Variants in NRG3 observed in about 807,000 individuals in gnomAD.
The protein encoded by NRG3 is pro-neuregulin-3, membrane-bound isoform.
In NRG3, 31 loss-of-function variants were observed where a neutral mutation model predicts 66.9. That is an observed-to-expected ratio of 0.46 (90% CI 0.35 to 0.63). The LOEUF is 0.63. Ranked by LOEUF, NRG3 falls within the 20% of genes least tolerant of loss-of-function variation. The pLI is 0.00. For missense variants in NRG3, 910 were observed against 878.9 expected (o/e 1.04, Z -0.45); for synonymous variants, 393 against 359.4 (o/e 1.09, Z -1.06).
At chr10:82,453,622 A>G (rs1294995149) in intron 2 of NRG3, among the ~76,000 whole-genome samples, 3 of 152,076 alleles carry the variant, frequency 2.0e-5, no homozygotes, top group Admixed American at 6.5e-5. Flanking sequence ...CCTGGTGTCT[A>G]TACTATGAGA....
At chr10:82,245,338 G>A (rs1052538762) in intron 1 of NRG3, among the ~76,000 whole-genome samples, 1 of 152,172 alleles carries the variant, frequency 6.6e-6, no homozygotes, top group African/African-American at 2.4e-5. Flanking sequence ...CAAGCAATGG[G>A]CAGTGGCTGT....
At chr10:82,555,256 T>C (rs1461753636) in intron 2 of NRG3, among the ~76,000 whole-genome samples, 1 of 152,154 alleles carries the variant, frequency 6.6e-6, no homozygotes, top group Non-Finnish European at 1.5e-5. Flanking sequence ...ACTCATTCTA[T>C]TTTAGTTCCA....
At chr10:82,250,921 AAGCTGCATTTG>A (rs1438746370) in intron 1 of NRG3, among the ~76,000 whole-genome samples, 1 of 152,246 alleles carries the variant, frequency 6.6e-6, no homozygotes, top group African/African-American at 2.4e-5. Flanking sequence ...GACAGATGCC[AAGCTGCATTTG>A]ATCGGCAGTC....
intron 1 of NRG3, among the ~76,000 whole-genome samples, chr10:81,913,978 G>A (rs1166930056): frequency 2.6e-5 from 4 of 152,142 alleles, no homozygotes; most frequent in African/African-American, 9.7e-5. Flanking sequence ...CAGAGCTCTT[G>A]TGGCACTTGT....
At chr10:82,243,598 G>A (rs2077100899) in intron 1 of NRG3, among the ~76,000 whole-genome samples, 3 of 152,124 alleles carry the variant, frequency 2.0e-5, no homozygotes, top group South Asian at 2.1e-4. Flanking sequence ...CTAGAAATTA[G>A]AAGAAATTGC....
At chr10:82,332,127 A>T (rs1174641506) in intron 1 of NRG3, among the ~76,000 whole-genome samples, 1 of 152,230 alleles carries the variant, frequency 6.6e-6, no homozygotes, top group East Asian at 1.9e-4. Context: ...CCAGAGAAGG[A>T]TCATTGATTT....
At chr10:82,000,203 A>G (rs1026638212) in intron 1 of NRG3, among the ~76,000 whole-genome samples, 6 of 152,238 alleles carry the variant, frequency 3.9e-5, no homozygotes, top group Non-Finnish European at 7.3e-5. Context: ...CCAATTATCA[A>G]TAAAATTTAA....
intron 2 of NRG3, among the ~76,000 whole-genome samples, chr10:82,704,609 C>A (rs2056149155): frequency 6.6e-6 from 1 of 152,146 alleles, no homozygotes; most frequent in African/African-American, 2.4e-5. Flanking sequence ...TGTTTTATGT[C>A]ATGACACTCC....
intron 4 of NRG3, among the ~76,000 whole-genome samples, chr10:82,906,660 C>T (rs1284730966): frequency 6.6e-6 from 1 of 152,150 alleles, no homozygotes; most frequent in African/African-American, 2.4e-5. Context: ...GGTTTTGTCA[C>T]TTAGGTAACA....
chr10:82,057,633 G>C (rs905319798), intron 1 of NRG3, among the ~76,000 whole-genome samples: 8 of 152,084 alleles, frequency 5.3e-5, no homozygotes, highest in Admixed American at 5.2e-4. Flanking sequence ...GTTTGGGTGG[G>C]GAGTGGACAA....
intron 2 of NRG3, among the ~76,000 whole-genome samples, chr10:82,374,187 GGCAAAA>G (rs2085065649): frequency 6.6e-6 from 1 of 152,240 alleles, no homozygotes; most frequent in East Asian, 1.9e-4. Context: ...CTAAGCCCAA[GGCAAAA>G]GCTTACACCC....
intron 3 of NRG3, among the ~76,000 whole-genome samples, chr10:82,783,031 C>G (rs1472582213): frequency 6.6e-6 from 1 of 152,156 alleles, no homozygotes; most frequent in Admixed American, 6.6e-5. Flanking sequence ...GGCTTCATCC[C>G]TGGGATGCAA....
rs1197236971 is a variant in NRG3 at position 82,980,776 on chromosome 10, A to G, written c.1583+1656A>G. ...AGGGTGACAGTTGCAAAGTAAACATAACAGCCAAGGGGTTCAAAATGTATA... is the reference window on the plus strand; with the variant it reads ...AGGGTGACAGTTGCAAAGTAAACATGACAGCCAAGGGGTTCAAAATGTATA... On this transcript the variant is annotated intron_variant, in intron 8 of 8. Transcript: ENST00000372141. Among the ~76,000 whole-genome samples the G allele has an allele frequency of 2.0e-5, 3 of 152,204 alleles. No homozygotes were observed. In the East Asian group the frequency reaches 5.8e-4, roughly 29 times the overall value.
chr10:82,971,507 G>A (rs1224132317), intron 6 of NRG3, among the ~76,000 whole-genome samples: 1 of 150,058 alleles, frequency 6.7e-6, no homozygotes, highest in Non-Finnish European at 1.5e-5. Context: ...CACCATCTCG[G>A]CTCACTGCAA....
At chr10:82,148,326 C>T (rs72825470) in intron 1 of NRG3, among the ~76,000 whole-genome samples, 35 of 151,918 alleles carry the variant, frequency 2.3e-4, no homozygotes, top group Non-Finnish European at 5.0e-4. Flanking sequence ...AGCAAGACCC[C>T]ATTTCTAAAA....
At chr10:82,178,379 C>T (rs551240961) in intron 1 of NRG3, among the ~76,000 whole-genome samples, 15 of 152,182 alleles carry the variant, frequency 9.9e-5, no homozygotes, top group South Asian at 4.2e-4. Flanking sequence ...AGCAACTGCT[C>T]GGTTAGCCCT....
At chr10:82,011,899 G>T (rs2061593324) in intron 1 of NRG3, among the ~76,000 whole-genome samples, 1 of 152,098 alleles carries the variant, frequency 6.6e-6, no homozygotes, top group Admixed American at 6.5e-5. Flanking sequence ...TTGAGTGTCT[G>T]TGTCTTTTCC....
At position 82,102,003 on chromosome 10, in the gene NRG3, G is replaced by GTATATATATATA. The variant is rs142461785; in HGVS notation, c.823+225845_823+225856dup. 2.9e-3 allele frequency among the ~76,000 whole-genome samples: 372 copies of GTATATATATATA among 129,224 alleles called. 6 individuals are homozygous for GTATATATATATA. Among genetic ancestry groups the GTATATATATATA allele is most frequent in the African/African-American group, 4.1e-3 (147 of 36,014 alleles). The allele number at this position is 129,224 out of a possible 152,430, so 84.8% of individuals were successfully genotyped here. On this transcript the variant is annotated intron_variant, in intron 1 of 8. Transcript: ENST00000372141. ...TTTACAGTTCTGTATATATGTGTGC[G>GTATATATATATA]TATATATATATATATACGCACACAT... is the stretch of plus-strand genomic sequence containing the variant.
intron 4 of NRG3, among the ~76,000 whole-genome samples, chr10:82,909,731 T>C (rs767807566): frequency 6.6e-6 from 1 of 152,214 alleles, no homozygotes; most frequent in African/African-American, 2.4e-5. Context: ...AAGGATGTGA[T>C]GATATTTGTT....
Sources: allele counts gnomAD v4.1 joint callset (sites outside exome capture counted in the v4.1 genomes callset), GRCh38; gene constraint gnomAD v4.1.1; transcripts MANE v1.5; gene names NCBI Gene and HGNC (gene_info 2026-07-23, HGNC 2026-07-21).